Variants in GPC5 observed in about 807,000 individuals in gnomAD.
GPC5 encodes the protein glypican 5.
In GPC5, 47 loss-of-function variants were observed where a neutral mutation model predicts 53.9. The ratio of observed to expected loss-of-function variants is 0.87; its 90% CI spans 0.69 to 1.11. GPC5 has a LOEUF of 1.11. Among genes scored for constraint, GPC5 ranks in the 50% most tolerant of loss-of-function variants. The probability of loss-of-function intolerance (pLI) is 0.00; values close to 1 mark genes in which losing one functional copy is unlikely to be tolerated. For synonymous variants in GPC5, 286 were observed against 263.3 expected (o/e 1.09, Z -0.84); for missense variants, 748 against 713.1 (o/e 1.05, Z -0.56).
intron 4 of GPC5, among the ~76,000 whole-genome samples, chr13:91,753,769 A>G (rs1405888675): frequency 6.6e-6 from 1 of 151,924 alleles, no homozygotes; most frequent in Non-Finnish European, 1.5e-5. Context: ...CTTTCCTCTT[A>G]CCCTTACTCA....
At position 92,208,982 on chromosome 13, in the gene GPC5, T is replaced by C. The variant is rs568173611; in HGVS notation, c.1561+63993T>C. Among the ~76,000 whole-genome samples, 9 of 151,794 alleles carry C rather than the reference T, an allele frequency of 5.9e-5. No homozygotes were observed. In the South Asian group the frequency reaches 1.7e-3, roughly 28 times the overall value. ...CATAAAATATAGCTTAGAGTATTTC[T>C]CTGACCACAGTGAAAACTAAACTAA... is the stretch of plus-strand genomic sequence containing the variant. On this transcript the variant is annotated intron_variant, in intron 7 of 7. Coordinates refer to ENST00000377067, the MANE Select transcript of GPC5 (RefSeq NM_004466.6).
At chr13:91,796,569 C>T (rs1341707161) in intron 5 of GPC5, among the ~76,000 whole-genome samples, 2 of 152,198 alleles carry the variant, frequency 1.3e-5, no homozygotes, top group East Asian at 3.9e-4. Flanking sequence ...TCTTTACCTT[C>T]TGCTTTTAGC....
intron 7 of GPC5, among the ~76,000 whole-genome samples, chr13:92,285,101 G>C (rs2042944322): frequency 1.3e-5 from 2 of 152,162 alleles, no homozygotes; most frequent in South Asian, 4.1e-4. Flanking sequence ...ACTAATAACA[G>C]ACAAACAGAG....
chr13:92,508,097 G>T (rs1396213458), intron 7 of GPC5, among the ~76,000 whole-genome samples: 4 of 152,052 alleles, frequency 2.6e-5, no homozygotes, highest in Admixed American at 2.0e-4. Context: ...CCCAGTAGCT[G>T]GGACTACAGG....
intron 7 of GPC5, among the ~76,000 whole-genome samples, chr13:92,684,754 C>A (rs1290132559): frequency 6.6e-6 from 1 of 152,084 alleles, no homozygotes; most frequent in Non-Finnish European, 1.5e-5. Flanking sequence ...TGGCAAATAC[C>A]AAGGAGCATA....
intron 2 of GPC5, among the ~76,000 whole-genome samples, chr13:91,571,945 A>T (rs1274069252): frequency 1.7e-5 from 2 of 119,154 alleles, no homozygotes; most frequent in Non-Finnish European, 3.7e-5. Flanking sequence ...ACATGTATAT[A>T]CATATACACA....
At chr13:92,622,500 A>T (rs1884907536) in intron 7 of GPC5, among the ~76,000 whole-genome samples, 1 of 152,152 alleles carries the variant, frequency 6.6e-6, no homozygotes, top group East Asian at 1.9e-4. Flanking sequence ...GCCTGGATTA[A>T]CACGAGATGA....
chr13:92,467,407 C>A (rs1369877509), intron 7 of GPC5, among the ~76,000 whole-genome samples: 1 of 151,970 alleles, frequency 6.6e-6, no homozygotes, highest in Non-Finnish European at 1.5e-5. Flanking sequence ...ATGAGTCTGG[C>A]TGGATGCTTT....
chr13:92,400,875 T>A (rs12428307), intron 7 of GPC5, among the ~76,000 whole-genome samples: 3,880 of 152,304 alleles, frequency 0.025, 128 homozygotes, highest in East Asian at 0.12. Context: ...TCTGAACATT[T>A]GTATATGGTA....
At chr13:92,638,521 C>T (rs977445986) in intron 7 of GPC5, among the ~76,000 whole-genome samples, 1 of 151,722 alleles carries the variant, frequency 6.6e-6, no homozygotes, top group African/African-American at 2.4e-5. Context: ...ATTTTTAGGG[C>T]TCTTCCCCCC....
chr13:92,142,036 TAGTC>T (rs1300262332), intron 6 of GPC5, among the ~76,000 whole-genome samples: 4 of 152,102 alleles, frequency 2.6e-5, no homozygotes, highest in Admixed American at 6.5e-5. Context: ...CTTCTGGTGA[TAGTC>T]AGAGGAAACT....
intron 2 of GPC5, among the ~76,000 whole-genome samples, chr13:91,663,558 A>G (rs1048052543): frequency 1.3e-5 from 2 of 152,132 alleles, no homozygotes; most frequent in African/African-American, 2.4e-5. Context: ...CCTAGGCTCA[A>G]GTGATCCCCC....
intron 2 of GPC5, among the ~76,000 whole-genome samples, chr13:91,598,453 A>G (rs945992233): frequency 6.6e-6 from 1 of 151,814 alleles, no homozygotes; most frequent in African/African-American, 2.4e-5. Flanking sequence ...TCTGATTAGA[A>G]TATCTAAAAA....
intron 7 of GPC5, among the ~76,000 whole-genome samples, chr13:92,367,769 T>G (rs1277277749): frequency 6.6e-6 from 1 of 152,182 alleles, no homozygotes; most frequent in Non-Finnish European, 1.5e-5. Flanking sequence ...AAGGCAATTT[T>G]GTGAAAAACA....
At chr13:92,047,752 T>C (rs1032740351) in intron 6 of GPC5, among the ~76,000 whole-genome samples, 8 of 142,716 alleles carry the variant, frequency 5.6e-5, no homozygotes, top group African/African-American at 1.8e-4. Flanking sequence ...AGGCGGATCA[T>C]GAGGTCAGGA....
At chr13:91,933,083 A>T (rs2039836631) in intron 6 of GPC5, among the ~76,000 whole-genome samples, 2 of 151,898 alleles carry the variant, frequency 1.3e-5, no homozygotes, top group African/African-American at 4.8e-5. Context: ...GTTTAGAAGC[A>T]TTTTTTCAGA....
intron 5 of GPC5, among the ~76,000 whole-genome samples, chr13:91,830,543 A>G (rs2038638982): frequency 1.3e-5 from 2 of 151,726 alleles, no homozygotes; most frequent in African/African-American, 2.4e-5. Flanking sequence ...TTACAGTTTT[A>G]TGTTCAGAGA....
At position 91,494,196 on chromosome 13, in the gene GPC5, C is replaced by G. The variant is rs111335711; in HGVS notation, c.325+45274C>G. On this transcript the variant is annotated intron_variant, in intron 2 of 7. Transcript: ENST00000377067. The stretch of plus-strand genomic sequence containing the variant: ...TGAGCCACCGCGCCCGGTCTGTTTT[C>G]TTTTCTGTTGTTATGAATGACCTGT... Among the ~76,000 whole-genome samples, 1,220 of 151,852 alleles carry G rather than the reference C, an allele frequency of 8.0e-3. 18 individuals carry two copies. The highest frequency in any genetic ancestry group is 0.025 in the African/African-American group (1,022 of 41,446).
At chr13:91,951,855 T>C (rs1032657467) in intron 6 of GPC5, among the ~76,000 whole-genome samples, 1 of 152,108 alleles carries the variant, frequency 6.6e-6, no homozygotes, top group Non-Finnish European at 1.5e-5. Context: ...CAAATCAACA[T>C]TTCGTTTGTC....
Sources: allele counts gnomAD v4.1 joint callset (sites outside exome capture counted in the v4.1 genomes callset), GRCh38; gene constraint gnomAD v4.1.1; transcripts MANE v1.5; gene names NCBI Gene and HGNC (gene_info 2026-07-23, HGNC 2026-07-21).